The following MAP3K1 variants were observed in gnomAD, a reference collection of about 807,000 sequenced individuals.
MAP3K1 encodes mitogen-activated protein kinase kinase kinase 1, also known as MAP/ERK kinase kinase 1.
In MAP3K1, 36 loss-of-function variants were observed where a neutral mutation model predicts 144.2. The ratio of observed to expected loss-of-function variants is 0.25; its 90% confidence interval spans 0.19 to 0.33. MAP3K1 has a LOEUF of 0.33. Ranked by LOEUF, MAP3K1 falls within the 10% of genes least tolerant of loss-of-function variation. The pLI, the probability that MAP3K1 is intolerant of heterozygous loss-of-function variation, is 1.00. For missense variants in MAP3K1, 1,650 were observed against 1,881.9 expected (o/e 0.88, Z 2.28); for synonymous variants, 718 against 688.7 (o/e 1.04, Z -0.67).
At chr5:56,860,336 T>C (rs1747468581) in intron 3 of MAP3K1, among the ~76,000 whole-genome samples, 1 of 152,194 alleles carries the variant, frequency 6.6e-6, no homozygotes. Flanking sequence ...CTTTGTAATA[T>C]TGTGTGTGAT....
chr5:56,853,493 A>G (rs751285451), intron 1 of MAP3K1, among the ~76,000 whole-genome samples: 3 of 152,210 alleles, frequency 2.0e-5, no homozygotes, highest in Non-Finnish European at 2.9e-5. Context: ...GTTCATACTT[A>G]TTATGAGCCA....
chr5:56,842,946 T>C (rs1053849629), intron 1 of MAP3K1, among the ~76,000 whole-genome samples: 3 of 152,202 alleles, frequency 2.0e-5, no homozygotes, highest in Non-Finnish European at 2.9e-5. Context: ...CCCTGATCGC[T>C]GTGCCATACT....
At chr5:56,817,743 A>G (rs1746022254) in intron 1 of MAP3K1, among the ~76,000 whole-genome samples, 1 of 152,234 alleles carries the variant, frequency 6.6e-6, no homozygotes, top group African/African-American at 2.4e-5. Flanking sequence ...AATTGTATCT[A>G]TTGAGACCTA....
Position 56,842,483 on chromosome 5 carries a change from G to A in MAP3K1, c.483-14117G>A, listed in dbSNP as rs1441023446. Among the ~76,000 whole-genome samples, 6 of 152,156 alleles carry A rather than the reference G, an allele frequency of 3.9e-5. No homozygotes were observed. The South Asian group carries it at 8.3e-4, about 21-fold the overall frequency. Reference sequence around the variant, plus strand: ...AGCCACTGTATGGACAATACCTAGAGTAGTACTTAGAACAGAGGAGGCACT... The same window carrying A: ...AGCCACTGTATGGACAATACCTAGAATAGTACTTAGAACAGAGGAGGCACT... On this transcript the variant is annotated intron_variant, in intron 1 of 19. Transcript: ENST00000399503.
chr5:56,865,760 G>C, intron 5 of MAP3K1, 69 bp from the exon 6 acceptor site: 2 of 1,465,692 alleles, frequency 1.4e-6, no homozygotes, highest in South Asian at 1.1e-5. Context: ...AAATAATTCA[G>C]CCTCTAGAAC....
chr5:56,888,048 T>G, intron 18 of MAP3K1, 178 bp from the exon 19 acceptor site: 1 of 630,052 alleles, frequency 1.6e-6, no homozygotes, highest in South Asian at 2.0e-5. Context: ...CCAAAATATT[T>G]TTGTGCTACC....
At chr5:56,847,157 GA>G (rs1205842037) in intron 1 of MAP3K1, among the ~76,000 whole-genome samples, 1 of 152,154 alleles carries the variant, frequency 6.6e-6, no homozygotes, top group Non-Finnish European at 1.5e-5. Flanking sequence ...CAGCTGCAAG[GA>G]ATATAGCCCC....
rs1416883462 is a variant in MAP3K1 at position 56,887,423 on chromosome 5, C to G, written c.4160C>G (p.Ala1387Gly). The change falls in exon 18 of 20, where the codon GCA becomes GGA. Residue 1387 changes from alanine (A) to glycine (G), a missense_variant. Around this residue, in one of 6 missense-constraint regions of MAP3K1, gnomAD observed 165 missense variants for 322.9 expected, o/e 0.51. Coordinates refer to ENST00000399503, the MANE Select transcript of MAP3K1 (RefSeq NM_005921.2). ...AGCACTGGTCAGAGACTAAGAATTG[C>G]AGATTTTGGAGCTGCAGCCAGGTTG... ...IDSTGQRLRIADFGAAARLAS... is the reference protein window; with the variant it reads ...IDSTGQRLRIGDFGAAARLAS... 6.2e-7 allele frequency: 1 copy of G among 1,614,144 alleles called. No homozygotes were observed. Among genetic ancestry groups the G allele is most frequent in the Non-Finnish European group, 8.5e-7 (1 of 1,180,006 alleles).
Position 56,865,902 on chromosome 5 carries a change from A to G in MAP3K1, c.1226A>G (p.Gln409Arg). ...AAAGCTCCATCTCGTAACACCATCC[A>G]GAAGTTTGTTTCACGCATGTCAAAT... ...RIKAPSRNTIQKFVSRMSNSH... is the reference protein window; with the variant it reads ...RIKAPSRNTIRKFVSRMSNSH... The change falls in exon 6 of 20, where the codon CAG (glutamine) becomes CGG (arginine). Residue 409 changes from glutamine (Q) to arginine (R), a missense_variant. By Grantham distance (43) the Gln-to-Arg change is conservative (BLOSUM62 1). This residue lies in a region of MAP3K1 where 125 missense variants were observed against 179.9 expected (regional missense o/e 0.69). Coordinates refer to ENST00000399503, the MANE Select transcript of MAP3K1 (RefSeq NM_005921.2). 6.2e-7 allele frequency: 1 copy of G among 1,613,722 alleles called. No homozygotes were observed. The highest frequency in any genetic ancestry group is 8.5e-7 in the Non-Finnish European group (1 of 1,179,618).
intron 1 of MAP3K1, among the ~76,000 whole-genome samples, chr5:56,817,896 C>G (rs1005529559): frequency 1.3e-5 from 2 of 152,046 alleles, no homozygotes; most frequent in African/African-American, 4.8e-5. Flanking sequence ...AATAAGAGGA[C>G]TAAGGTGGAG....
chr5:56,866,561 G>A (rs1334719426), intron 6 of MAP3K1, among the ~76,000 whole-genome samples: 1 of 152,166 alleles, frequency 6.6e-6, no homozygotes. Flanking sequence ...TGGTTTTAGT[G>A]TAAAAATTAG....
intron 6 of MAP3K1, among the ~76,000 whole-genome samples, chr5:56,870,372 A>G (rs1747815415): frequency 6.6e-6 from 1 of 152,222 alleles, no homozygotes; most frequent in African/African-American, 2.4e-5. Flanking sequence ...AAATACGGCT[A>G]TTGATTTTAA....
At chr5:56,884,367 T>G (rs552717126) in intron 15 of MAP3K1, among the ~76,000 whole-genome samples, 1 of 152,188 alleles carries the variant, frequency 6.6e-6, no homozygotes, top group Non-Finnish European at 1.5e-5. Context: ...TATTAAACTT[T>G]CATTTTTAAA....
chr5:56,837,730 C>T (rs1746695112), intron 1 of MAP3K1, among the ~76,000 whole-genome samples: 2 of 152,242 alleles, frequency 1.3e-5, no homozygotes, highest in African/African-American at 4.8e-5. Flanking sequence ...TTGTGCCAGG[C>T]TTTCTGCTGG....
chr5:56,835,456 G>T (rs1015910179), intron 1 of MAP3K1, among the ~76,000 whole-genome samples: 1 of 151,196 alleles, frequency 6.6e-6, no homozygotes, highest in Admixed American at 6.6e-5. Context: ...AGGCAGGGAA[G>T]AGGAGACAGG....
chr5:56,850,175 T>A (rs1747126364), intron 1 of MAP3K1, among the ~76,000 whole-genome samples: 1 of 152,218 alleles, frequency 6.6e-6, no homozygotes, highest in Admixed American at 6.5e-5. Flanking sequence ...AGGTCGTTCC[T>A]CCCTTGCTGT....
chr5:56,886,498 T>C (rs1748382609), intron 17 of MAP3K1, among the ~76,000 whole-genome samples: 1 of 152,162 alleles, frequency 6.6e-6, no homozygotes, highest in Non-Finnish European at 1.5e-5. Flanking sequence ...AAATGAGCCT[T>C]AGGGATCATT....
intron 11 of MAP3K1, among the ~76,000 whole-genome samples, chr5:56,879,763 A>G (rs1329037772): frequency 6.6e-6 from 1 of 152,176 alleles, no homozygotes; most frequent in Non-Finnish European, 1.5e-5. Flanking sequence ...GAAAAGATCA[A>G]TTTTCATTTA....
intron 1 of MAP3K1, among the ~76,000 whole-genome samples, chr5:56,847,938 G>T (rs1333822529): frequency 1.3e-5 from 2 of 152,144 alleles, no homozygotes; most frequent in Non-Finnish European, 2.9e-5. Flanking sequence ...GTATTCAATA[G>T]AGGATCAGTT....
Sources: gnomAD v4.1 joint callset for allele counts (sites outside exome capture counted in the v4.1 genomes callset) on GRCh38, gnomAD v4.1.1 for gene constraint, gnomAD v4.1.1 regional missense constraint, MANE v1.5 for transcripts, NCBI Gene and HGNC (gene_info 2026-07-23, HGNC 2026-07-21) for gene names.